Variants in DHX33 observed in about 807,000 individuals in gnomAD.
DHX33 encodes the protein ATP-dependent RNA helicase DHX33.
A neutral mutation model predicts 72.5 loss-of-function variants in DHX33; 42 were observed. The observed-to-expected ratio is 0.58, with a 90% CI of 0.45 to 0.75. The LOEUF is 0.75. Ranked by LOEUF, DHX33 falls within the 30% of genes least tolerant of loss-of-function variation. The pLI, the probability that DHX33 is intolerant of heterozygous loss-of-function variation, is 0.00. For synonymous variants in DHX33, 358 were observed against 366.1 expected, an observed-to-expected ratio of 0.98 and a Z score of 0.25; for missense variants, 842 against 917.5, an observed-to-expected ratio of 0.92 and a Z score of 1.06.
intron 4 of DHX33, among the ~76,000 whole-genome samples, chr17:5,456,939 T>C (rs369278785): frequency 1.3e-5 from 2 of 152,160 alleles, no homozygotes; most frequent in East Asian, 1.9e-4. Flanking sequence ...GATACTGAGG[T>C]TAATGGGGTT....
At position 5,468,708 on chromosome 17, in the gene DHX33, T is replaced by C; in HGVS notation, c.152A>G (p.Gln51Arg). 15 of 1,611,296 alleles carry C rather than the reference T, an allele frequency of 9.3e-6. No homozygotes were observed. The highest frequency in any genetic ancestry group is 1.3e-5 in the Non-Finnish European group (15 of 1,179,182). ...GGRGGGGGRR[Q>R]QPPLAQPSAS... ...CGAGGGCTGGGCCAGGGGCGGCTGC[T>C]GCCTCCGGCCTCCTCCTCCTCCTCT... The change falls in exon 1 of 12, where the codon CAG becomes CGG. Residue 51 changes from glutamine (Q) to arginine (R), a missense_variant. Coordinates refer to ENST00000225296, the MANE Select transcript of DHX33 (RefSeq NM_020162.4).
intron 3 of DHX33, 28 bp from the exon 4 acceptor site, chr17:5,461,137 A>G: frequency 6.3e-7 from 1 of 1,589,148 alleles, no homozygotes; most frequent in Non-Finnish European, 8.6e-7. Flanking sequence ...GAGGAGGACC[A>G]GAAACAAATA....
intron 4 of DHX33, among the ~76,000 whole-genome samples, chr17:5,459,880 C>G (rs1199632272): frequency 6.7e-6 from 1 of 149,650 alleles, no homozygotes; most frequent in African/African-American, 2.6e-5. Context: ...CTCCTGGACT[C>G]AAGTGATCCT....
intron 11 of DHX33, among the ~76,000 whole-genome samples, chr17:5,445,303 T>C (rs1290146453): frequency 6.6e-6 from 1 of 152,230 alleles, no homozygotes; most frequent in Admixed American, 6.5e-5. Context: ...GGTCTTGAAC[T>C]CCTGACCTCA....
At chr17:5,452,647 G>A (rs1399851500) in intron 8 of DHX33, among the ~76,000 whole-genome samples, 1 of 152,220 alleles carries the variant, frequency 6.6e-6, no homozygotes, top group Non-Finnish European at 1.5e-5. Flanking sequence ...GAGCCCGGGA[G>A]GTTGAGGCTG....
chr17:5,441,234 C>G lies in DHX33; in HGVS notation c.*2971G>C, dbSNP rs1464969279. ...CATCAGTTTCACCCACAGGGCAGAA[C>G]TTGCCTCCATTCAGGCATCTCTTTA... On this transcript the variant is annotated 3_prime_UTR_variant, in exon 12 of 12. Coordinates refer to ENST00000225296, the MANE Select transcript of DHX33 (RefSeq NM_020162.4). 6.6e-6 allele frequency: 1 copy of G among 152,230 alleles called. No homozygotes were observed. The highest frequency in any genetic ancestry group is 1.5e-5 in the Non-Finnish European group (1 of 68,054). 9.4% of individuals were successfully genotyped at this position (152,230 alleles called of 1,614,324 possible).
intron 4 of DHX33, among the ~76,000 whole-genome samples, chr17:5,458,952 C>A (rs1386984239): frequency 6.6e-6 from 1 of 152,096 alleles, no homozygotes; most frequent in Non-Finnish European, 1.5e-5. Flanking sequence ...AATCCCAGTG[C>A]TTTGGGAGGC....
Position 5,463,706 on chromosome 17 carries a change from A to T in DHX33, c.290-17T>A. 1 of 1,038,296 alleles carries T rather than the reference A, an allele frequency of 9.6e-7. No individual in the cohort carries two copies. Among genetic ancestry groups the T allele is most frequent in the South Asian group, 1.6e-5 (1 of 62,106 alleles). 64.3% of individuals were successfully genotyped at this position (1,038,296 alleles called of 1,614,324 possible). On this transcript the variant is annotated splice_polypyrimidine_tract_variant and intron_variant, in intron 1 of 11. Coordinates refer to ENST00000225296, the MANE Select transcript of DHX33 (RefSeq NM_020162.4). ...CAGTTTCCCCTAGGAGAGAGGGGGA[A>T]AAAAAAAAAAGGCTCACTGAAATGC... is the stretch of plus-strand genomic sequence containing the variant.
chr17:5,453,710 G>A (rs1917058392), intron 7 of DHX33, 42 bp from the exon 8 acceptor site: 1 of 1,612,126 alleles, frequency 6.2e-7, no homozygotes, highest in East Asian at 2.2e-5. Flanking sequence ...TGATCCCTCT[G>A]CCATTGAGTC....
At chr17:5,454,946 C>A (rs1218760449) in intron 6 of DHX33, among the ~76,000 whole-genome samples, 3 of 152,202 alleles carry the variant, frequency 2.0e-5, no homozygotes, top group Non-Finnish European at 4.4e-5. Context: ...GTTTGCTCAA[C>A]CTGGGCTCTT....
At position 5,463,546 on chromosome 17, in the gene DHX33, T is replaced by A. The variant is rs1304229399; in HGVS notation, c.433A>T (p.Thr145Ser). The stretch of plus-strand genomic sequence containing the variant: ...CCAGGTACCAGCTTCCCAAGTTCAG[T>A]TCTCTTCTCATCTGAGACTCTAGTA... ...LATRVSDEKRTELGKLVGYTV... is the reference protein window; with the variant it reads ...LATRVSDEKRSELGKLVGYTV... Residue 145 changes from threonine to serine, a missense_variant, in exon 2 of 12, where the codon ACT becomes TCT. Transcript: ENST00000225296. 6.2e-7 allele frequency: 1 copy of A among 1,613,978 alleles called. No homozygotes were observed. Among genetic ancestry groups the A allele is most frequent in the Non-Finnish European group, 8.5e-7 (1 of 1,179,974 alleles).
At position 5,450,877 on chromosome 17, in the gene DHX33, T is replaced by C; in HGVS notation, c.1454A>G (p.Asp485Gly). The change falls in exon 9 of 12, where the codon GAT becomes GGT. Residue 485 changes from aspartate (D) to glycine (G), a missense_variant. Asp to Gly is a moderately conservative substitution (Grantham distance 94, BLOSUM62 -1). Transcript: ENST00000225296. ...CATTGGAGTCAGGGTAAGCTGGTCA[T>C]CCTTATGTTCAAGAGCACCTAACAG... ...LDLLGALEHK[D>G]DQLTLTPMGR... The C allele has an allele frequency of 2.5e-6, 4 of 1,614,144 alleles. No homozygotes were observed. The highest frequency in any genetic ancestry group is 3.4e-6 in the Non-Finnish European group (4 of 1,180,032).
chr17:5,456,174 A>C lies in DHX33; in HGVS notation c.858T>G (p.Pro286=). Reference sequence around the variant, plus strand: ...GGAACACCAGGATGTCCTGTGAAGAAGGGGCTTCCTGTAAAAAAAGTAGAG... The same window carrying C: ...GGAACACCAGGATGTCCTGTGAAGACGGGGCTTCCTGTAAAAAAAGTAGAG... ...VSVFQIHQEA[P]SSQDILVFLT... is the part of the protein sequence containing the mutation. Residue 286 remains proline (P), a synonymous_variant, in exon 5 of 12, where the codon CCT becomes CCG. Transcript: ENST00000225296. 1 of 1,613,774 alleles carries C rather than the reference A, an allele frequency of 6.2e-7. No individual in the cohort carries two copies. The highest frequency in any genetic ancestry group is 8.5e-7 in the Non-Finnish European group (1 of 1,179,732).
At chr17:5,446,817 G>C (rs762589278) in intron 11 of DHX33, among the ~76,000 whole-genome samples, 11 of 152,206 alleles carry the variant, frequency 7.2e-5, no homozygotes, top group Non-Finnish European at 1.5e-4. Context: ...CGTTTCTACT[G>C]TCAATGATAA....
chr17:5,461,133 G>A (rs184468379), intron 3 of DHX33, 24 bp from the exon 4 acceptor site: 253 of 1,589,988 alleles, frequency 1.6e-4, no homozygotes, highest in Non-Finnish European at 2.1e-4. Flanking sequence ...CGAAGAGGAG[G>A]ACCAGAAACA....
intron 11 of DHX33, among the ~76,000 whole-genome samples, chr17:5,447,937 G>A (rs375360101): frequency 6.6e-6 from 1 of 152,224 alleles, no homozygotes; most frequent in South Asian, 2.1e-4. Context: ...CCAGCACTTC[G>A]GGAGGCCGAG....
At chr17:5,464,472 T>C (rs1904783279) in intron 1 of DHX33, among the ~76,000 whole-genome samples, 1 of 152,156 alleles carries the variant, frequency 6.6e-6, no homozygotes, top group Non-Finnish European at 1.5e-5. Flanking sequence ...CTGGTGAAAT[T>C]AGCTGGTTAA....
chr17:5,457,853 A>G (rs1245914380), intron 4 of DHX33, among the ~76,000 whole-genome samples: 1 of 152,164 alleles, frequency 6.6e-6, no homozygotes, highest in East Asian at 1.9e-4. Flanking sequence ...GCCATCATTC[A>G]TGAAAAATTC....
intron 11 of DHX33, among the ~76,000 whole-genome samples, chr17:5,446,536 GA>G (rs1003256024): frequency 6.7e-6 from 1 of 149,960 alleles, no homozygotes; most frequent in Non-Finnish European, 1.5e-5. Flanking sequence ...AGTTGAAAAA[GA>G]AAAAAAAAGA....
Sources: gnomAD v4.1 joint callset for allele counts (sites outside exome capture counted in the v4.1 genomes callset) on GRCh38, gnomAD v4.1.1 for gene constraint, MANE v1.5 for transcripts, NCBI Gene and HGNC (gene_info 2026-07-23, HGNC 2026-07-21) for gene names.